The following PDGFB variants were observed in gnomAD, a reference collection of about 807,000 sequenced individuals.
PDGFB encodes platelet-derived growth factor subunit B.
A neutral mutation model predicts 29.0 loss-of-function variants in PDGFB; 6 were observed. That is an observed-to-expected ratio of 0.21 (90% CI 0.11 to 0.41). The LOEUF (loss-of-function observed/expected upper bound fraction) is 0.41, where lower values mean the gene tolerates loss of function less well. Among genes scored for constraint, PDGFB ranks in the 10% least tolerant of loss-of-function variants. The pLI, the probability that PDGFB is intolerant of heterozygous loss-of-function variation, is 1.00. For missense variants in PDGFB, 299 were observed against 341.8 expected (o/e 0.87, Z 0.99); for synonymous variants, 144 against 140.8 (o/e 1.02, Z -0.16).
intron 1 of PDGFB, chr22:39,240,850 C>T: frequency 6.2e-7 from 1 of 1,613,770 alleles, no homozygotes; most frequent in Non-Finnish European, 8.5e-7. Flanking sequence ...TGGAGAGGTA[C>T]TTACGAGGCC....
chr22:39,240,863 T>A (rs1212513329), intron 1 of PDGFB: 1 of 1,613,666 alleles, frequency 6.2e-7, no homozygotes, highest in Non-Finnish European at 8.5e-7. Context: ...ACGAGGCCCA[T>A]GATAAACATC....
At chr22:39,229,513 G>A (rs550029601) in intron 5 of PDGFB, among the ~76,000 whole-genome samples, 4 of 152,280 alleles carry the variant, frequency 2.6e-5, no homozygotes, top group Admixed American at 1.3e-4. Context: ...CGAGAAATTC[G>A]TTTGATTTCT....
chr22:39,224,673 C>T lies in PDGFB; in HGVS notation c.*669G>A. On this transcript the variant is annotated 3_prime_UTR_variant, in exon 7 of 7. Coordinates refer to ENST00000331163, the MANE Select transcript of PDGFB (RefSeq NM_002608.4). Reference sequence around the variant, plus strand: ...TCAACAGCAAACTCCATCTCTAACCCACCTGAGAGGGCACCCAGCCACTTG... The same window carrying T: ...TCAACAGCAAACTCCATCTCTAACCTACCTGAGAGGGCACCCAGCCACTTG... The T allele has an allele frequency of 6.6e-6, 1 of 152,490 alleles. No individual in the cohort carries two copies. The highest frequency in any genetic ancestry group is 2.4e-5 in the African/African-American group (1 of 41,542). The allele number at this position is 152,490 out of a possible 1,614,324, so 9.4% of individuals were successfully genotyped here.
intron 2 of PDGFB, among the ~76,000 whole-genome samples, chr22:39,234,720 G>C (rs1363334661): frequency 6.6e-6 from 1 of 152,254 alleles, no homozygotes; most frequent in Non-Finnish European, 1.5e-5. Flanking sequence ...TTTGTGGAAA[G>C]GTTAAGTTGA....
chr22:39,238,556 C>T (rs1435794672), intron 1 of PDGFB, among the ~76,000 whole-genome samples: 1 of 152,202 alleles, frequency 6.6e-6, no homozygotes, highest in Non-Finnish European at 1.5e-5. Context: ...TTTGTATCCC[C>T]ATCCTCCAGA....
rs1003689121 is a variant in PDGFB at position 39,240,714 on chromosome 22, G to A, written c.63+3187C>T. ...ACTGTTCTAAAAGTGGGGACCAGGA[G>A]GAAAGCTCTCTAATGGGGTTGACAC... On this transcript the variant is annotated intron_variant, in intron 1 of 6. Transcript: ENST00000331163. 9.3e-6 allele frequency: 9 copies of A among 963,534 alleles called. No individual in the cohort carries two copies. The African/African-American group carries it at 1.1e-4, about 12-fold the overall frequency. The allele number at this position is 963,534 out of a possible 1,614,324, so 59.7% of individuals were successfully genotyped here. A position where few individuals can be genotyped will look rare whatever the true frequency, so the allele number is the denominator to read the frequency against.
In PDGFB at chr22:39,243,254, CT is replaced by C. The variant is rs1569140996; in HGVS notation, c.63+646del. On this transcript the variant is annotated intron_variant, in intron 1 of 6. Coordinates refer to ENST00000331163, the MANE Select transcript of PDGFB (RefSeq NM_002608.4). The surrounding 1 kb of genome is among the most constrained non-coding windows in gnomAD (Gnocchi z 6.4). ...TCTCTCTCTCCGTCTCTCTCTCCGTCTCTCTCTCTCTCTCTCTCTTTCTCTC... is the reference window on the plus strand; with the variant it reads ...TCTCTCTCTCCGTCTCTCTCTCCGTCCTCTCTCTCTCTCTCTCTTTCTCTC... Among the ~76,000 whole-genome samples the C allele has an allele frequency of 1.1e-4, 3 of 28,342 alleles. No individual in the cohort carries two copies. The highest frequency in any genetic ancestry group is 1.3e-4 in the African/African-American group (2 of 15,502). The allele number at this position is 28,342 out of a possible 152,430, so 18.6% of individuals were successfully genotyped here.
At position 39,231,304 on chromosome 22, in the gene PDGFB, C is replaced by T. The variant is rs774280094; in HGVS notation, c.456+318G>A. Reference sequence around the variant, plus strand: ...ATACGGCTCTTCAAGGGACGTTTTGCGATTTTGTCCTTGTAAAGGAGGTGA... The same window carrying T: ...ATACGGCTCTTCAAGGGACGTTTTGTGATTTTGTCCTTGTAAAGGAGGTGA... On this transcript the variant is annotated intron_variant, in intron 4 of 6. Transcript: ENST00000331163. This position sits in a 1 kb window ranked among gnomAD's most constrained non-coding sequence, Gnocchi z 4.3. Among the ~76,000 whole-genome samples the T allele has an allele frequency of 3.9e-5, 6 of 152,214 alleles. No individual in the cohort carries two copies. The highest frequency in any genetic ancestry group is 7.3e-5 in the Non-Finnish European group (5 of 68,028).
chr22:39,230,756 G>T (rs1932282260), intron 4 of PDGFB, among the ~76,000 whole-genome samples: 2 of 152,364 alleles, frequency 1.3e-5, no homozygotes, highest in Non-Finnish European at 2.9e-5. Flanking sequence ...GGGAGGGAAG[G>T]TGGGCAGGAG....
intron 5 of PDGFB, among the ~76,000 whole-genome samples, chr22:39,227,538 T>C (rs945032413): frequency 6.8e-6 from 1 of 146,032 alleles, no homozygotes; most frequent in African/African-American, 2.8e-5. Flanking sequence ...TCACGGCAGG[T>C]GCTGTTACCG....
At chr22:39,233,128 C>T (rs2146442125) in intron 3 of PDGFB, among the ~76,000 whole-genome samples, 1 of 152,334 alleles carries the variant, frequency 6.6e-6, no homozygotes. Context: ...TTTACCCTCT[C>T]TGGGCCCCAG....
intron 2 of PDGFB, among the ~76,000 whole-genome samples, chr22:39,234,228 G>A (rs776099598): frequency 9.9e-5 from 15 of 152,124 alleles, no homozygotes; most frequent in East Asian, 1.9e-4. Flanking sequence ...GCCCCCAGCC[G>A]TCTGTTGATT....
Position 39,231,489 on chromosome 22 carries a change from C to G in PDGFB, c.456+133G>C. On this transcript the variant is annotated intron_variant, in intron 4 of 6. Transcript: ENST00000331163. The surrounding 1 kb of genome is among the most constrained non-coding windows in gnomAD (Gnocchi z 4.3). ...AGAGTGGGCCTCTCTGGACAGAGCC[C>G]AGGAACAAATCAGGAATGTCCTTCG... The G allele has an allele frequency of 1.4e-6, 1 of 725,188 alleles. No individual in the cohort carries two copies. The highest frequency in any genetic ancestry group is 1.9e-5 in the South Asian group (1 of 52,956). The allele number at this position is 725,188 out of a possible 1,614,324, so 44.9% of individuals were successfully genotyped here.
intron 5 of PDGFB, 22 bp downstream of exon 5, chr22:39,230,062 C>T (rs1357172848): frequency 2.5e-6 from 4 of 1,611,900 alleles, no homozygotes; most frequent in East Asian, 2.2e-5. Context: ...GGGCTGAGGG[C>T]TGAGCCTGGA....
chr22:39,241,041 G>C, intron 1 of PDGFB: 2 of 745,210 alleles, frequency 2.7e-6, no homozygotes. Context: ...CCAGCAGTTG[G>C]TCTCCTGCCC....
rs910451635 is a variant in PDGFB, at chr22:39,243,025, T to A, written c.63+876A>T. The A allele has an allele frequency of 4.3e-6, 1 of 232,858 alleles. No individual in the cohort carries two copies. Among genetic ancestry groups the A allele is most frequent in the African/African-American group, 2.2e-5 (1 of 45,300 alleles). 14.4% of individuals were successfully genotyped at this position (232,858 alleles called of 1,614,324 possible). ...CTCCCTCAGATGTTTTTATACCCCA[T>A]CTCCCGTGCAGCTAGGCTTTTGCAG... On this transcript the variant is annotated intron_variant, in intron 1 of 6. Transcript: ENST00000331163. This position sits in a 1 kb window ranked among gnomAD's most constrained non-coding sequence, Gnocchi z 6.4.
chr22:39,242,052 C>A lies in PDGFB; in HGVS notation c.63+1849G>T, dbSNP rs1227415315. The A allele has an allele frequency of 1.3e-5, 3 of 231,246 alleles. No homozygotes were observed. The highest frequency in any genetic ancestry group is 2.6e-5 in the Non-Finnish European group (3 of 116,804). The allele number at this position is 231,246 out of a possible 1,614,324, so 14.3% of individuals were successfully genotyped here. ...CTGTTGCGCGGGGGCGAGCACCAGG[C>A]GCTGGGTGCACGGGGGCCCGTGCGT... On this transcript the variant is annotated intron_variant, in intron 1 of 6. Coordinates refer to ENST00000331163, the MANE Select transcript of PDGFB (RefSeq NM_002608.4). This position sits in a 1 kb window ranked among gnomAD's most constrained non-coding sequence, Gnocchi z 5.7.
chr22:39,240,323 C>G (rs561888145), intron 1 of PDGFB, among the ~76,000 whole-genome samples: 3 of 152,238 alleles, frequency 2.0e-5, no homozygotes, highest in East Asian at 1.9e-4. Flanking sequence ...TTTGGGAACT[C>G]TGCACTAATC....
chr22:39,240,056 G>T (rs1932531820), intron 1 of PDGFB, among the ~76,000 whole-genome samples: 1 of 152,196 alleles, frequency 6.6e-6, no homozygotes, highest in South Asian at 2.1e-4. Flanking sequence ...GCCCTCTCGG[G>T]GCAAACCACA....
Sources: gnomAD v4.1 joint callset for allele counts (sites outside exome capture counted in the v4.1 genomes callset) on GRCh38, gnomAD v4.1.1 for gene constraint, Gnocchi (gnomAD v3.1) non-coding constraint, MANE v1.5 for transcripts, NCBI Gene and HGNC (gene_info 2026-07-23, HGNC 2026-07-21) for gene names.